The following GALNT13 variants were observed in gnomAD, a reference collection of about 807,000 sequenced individuals.
GALNT13 encodes the protein polypeptide N-acetylgalactosaminyltransferase 13, also known as UDP-GalNAc:polypeptide N-acetylgalactosaminyltransferase 13.
Under a neutral mutation model 64.2 loss-of-function variants are expected in GALNT13, and 28 were observed. The ratio of observed to expected loss-of-function variants is 0.44; its 90% CI spans 0.32 to 0.60. GALNT13 has a LOEUF of 0.60. Ranked by LOEUF, GALNT13 falls within the 20% of genes least tolerant of loss-of-function variation. The pLI is 0.05. For synonymous variants in GALNT13, 214 were observed against 224.6 expected (o/e 0.95, Z 0.42); for missense variants, 577 against 669.8 (o/e 0.86, Z 1.53).
chr2:153,290,823 G>T, the GALNT13 span, among the ~76,000 whole-genome samples: 6 of 152,040 alleles, frequency 3.9e-5, 1 homozygote, highest in Non-Finnish European at 5.9e-5. Flanking sequence ...TTATGTAAAA[G>T]AAATACAGTA....
At chr2:154,447,323 A>T (rs898761017) in intron 12 of GALNT13, among the ~76,000 whole-genome samples, 27 of 151,964 alleles carry the variant, frequency 1.8e-4, no homozygotes, top group African/African-American at 5.6e-4. Flanking sequence ...TTATAAAGAA[A>T]ATTATTTCTA....
At chr2:153,224,020 A>G in the GALNT13 span, among the ~76,000 whole-genome samples, 1 of 152,168 alleles carries the variant, frequency 6.6e-6, no homozygotes, top group Non-Finnish European at 1.5e-5. Context: ...AATACCATAA[A>G]GCAGTGCTTA....
intron 4 of GALNT13, among the ~76,000 whole-genome samples, chr2:154,241,525 C>T (rs956243518): frequency 9.9e-5 from 15 of 152,138 alleles, no homozygotes; most frequent in Non-Finnish European, 7.4e-5. Flanking sequence ...CTAAATCATT[C>T]CTTGGAAGTA....
intron 8 of GALNT13, among the ~76,000 whole-genome samples, chr2:154,259,986 G>A (rs1475974829): frequency 2.0e-5 from 3 of 152,072 alleles, no homozygotes; most frequent in African/African-American, 7.2e-5. Flanking sequence ...GGGCTCGGGT[G>A]ATCCTCCCAC....
At chr2:153,673,246 A>G in the GALNT13 span, among the ~76,000 whole-genome samples, 2 of 152,156 alleles carry the variant, frequency 1.3e-5, no homozygotes, top group African/African-American at 2.4e-5. Flanking sequence ...CCTGGCAGAG[A>G]CACAACAAAA....
the GALNT13 span, among the ~76,000 whole-genome samples, chr2:153,769,450 T>G: frequency 6.6e-6 from 1 of 151,928 alleles, no homozygotes; most frequent in South Asian, 2.1e-4. Flanking sequence ...CTGATAAATC[T>G]GTTATTAGTC....
the GALNT13 span, among the ~76,000 whole-genome samples, chr2:153,339,230 C>T: frequency 6.6e-6 from 1 of 152,202 alleles, no homozygotes; most frequent in Admixed American, 6.5e-5. Context: ...AATTTACATT[C>T]CCATCAGCAG....
intron 4 of GALNT13, among the ~76,000 whole-genome samples, chr2:154,222,159 A>T (rs1688358947): frequency 6.6e-6 from 1 of 151,948 alleles, no homozygotes; most frequent in Non-Finnish European, 1.5e-5. Context: ...AGGTTGATCC[A>T]CTCTCCTTAG....
the GALNT13 span, among the ~76,000 whole-genome samples, chr2:153,790,703 C>A: frequency 6.6e-6 from 1 of 152,122 alleles, no homozygotes; most frequent in Non-Finnish European, 1.5e-5. Flanking sequence ...CTAGAAAATG[C>A]AATAGTCTCT....
At chr2:153,195,456 C>T in the GALNT13 span, among the ~76,000 whole-genome samples, 1 of 152,210 alleles carries the variant, frequency 6.6e-6, no homozygotes, top group African/African-American at 2.4e-5. Flanking sequence ...GGGCAGGCAG[C>T]TCCAGGTGCC....
At position 154,298,572 on chromosome 2, in the gene GALNT13, A is replaced by ATAC. The variant is rs1249183142; in HGVS notation, c.976-2837_976-2836insTAC. ...TAAATTGTATATATAATTTATATAT[A>ATAC]AATTGTATATATAATTTATATATAC... On this transcript the variant is annotated intron_variant, in intron 8 of 12. Coordinates refer to ENST00000392825, the MANE Select transcript of GALNT13 (RefSeq NM_052917.4). Among the ~76,000 whole-genome samples, 150 of 74,842 alleles carry ATAC rather than the reference A, an allele frequency of 2.0e-3. 11 individuals are homozygous for ATAC. Among genetic ancestry groups the ATAC allele is most frequent in the African/African-American group, 7.3e-3 (145 of 19,956 alleles). The allele number at this position is 74,842 out of a possible 152,430, so 49.1% of individuals were successfully genotyped here. A position where few individuals can be genotyped will look rare whatever the true frequency, so the allele number is the denominator to read the frequency against.
chr2:153,270,211 C>T, the GALNT13 span, among the ~76,000 whole-genome samples: 1 of 152,044 alleles, frequency 6.6e-6, no homozygotes, highest in Admixed American at 6.5e-5. Context: ...ATAAATGTTC[C>T]AACATGCAAT....
the GALNT13 span, among the ~76,000 whole-genome samples, chr2:153,544,786 T>C: frequency 6.6e-6 from 1 of 152,332 alleles, no homozygotes; most frequent in Non-Finnish European, 1.5e-5. Flanking sequence ...TACTGAAGTA[T>C]GTAGTTATTT....
the GALNT13 span, among the ~76,000 whole-genome samples, chr2:153,810,646 G>A: frequency 6.6e-6 from 1 of 152,138 alleles, no homozygotes; most frequent in Non-Finnish European, 1.5e-5. Context: ...GTAGCAAAAG[G>A]TTTGGAAAAG....
chr2:153,615,886 T>C, the GALNT13 span, among the ~76,000 whole-genome samples: 22 of 152,168 alleles, frequency 1.4e-4, no homozygotes, highest in African/African-American at 5.3e-4. Flanking sequence ...ATTCTATGGG[T>C]TGTCTCACTA....
intron 4 of GALNT13, among the ~76,000 whole-genome samples, chr2:154,204,274 C>G (rs1687323121): frequency 6.6e-6 from 1 of 152,104 alleles, no homozygotes; most frequent in Non-Finnish European, 1.5e-5. Context: ...TTTCATAGAA[C>G]TTATTTTTTA....
At chr2:154,406,631 C>T (rs774796893) in intron 10 of GALNT13, among the ~76,000 whole-genome samples, 35 of 152,142 alleles carry the variant, frequency 2.3e-4, no homozygotes, top group Non-Finnish European at 4.9e-4. Context: ...ACTGACCTTT[C>T]CTTTCTAAAA....
chr2:153,142,256 A>C, the GALNT13 span, among the ~76,000 whole-genome samples: 1 of 152,168 alleles, frequency 6.6e-6, no homozygotes, highest in South Asian at 2.1e-4. Flanking sequence ...CTTAATGTTA[A>C]CACTGCTGGA....
At chr2:154,284,550 C>CACACACACACAT (rs1271083683) in intron 8 of GALNT13, among the ~76,000 whole-genome samples, 12 of 150,764 alleles carry the variant, frequency 8.0e-5, no homozygotes, top group African/African-American at 2.4e-4. Flanking sequence ...CACACACACA[C>CACACACACACAT]ATATATATGT....
Sources: allele counts gnomAD v4.1 joint callset (sites outside exome capture counted in the v4.1 genomes callset), GRCh38; gene constraint gnomAD v4.1.1; transcripts MANE v1.5; gene names NCBI Gene and HGNC (gene_info 2026-07-23, HGNC 2026-07-21).